Variants in YWHAZ observed in about 807,000 individuals in gnomAD.
YWHAZ encodes the protein 14-3-3 protein zeta/delta.
For synonymous variants in YWHAZ, 87 were observed against 103.6 expected (o/e 0.84, Z 0.97); for missense variants, 79 against 284.8 (o/e 0.28, Z 5.20).
intron 2 of YWHAZ, among the ~76,000 whole-genome samples, chr8:100,946,369 G>C (rs1810269025): frequency 6.6e-6 from 1 of 152,148 alleles, no homozygotes; most frequent in Non-Finnish European, 1.5e-5. Flanking sequence ...GGCCGACAAG[G>C]TGAAACCCCA....
Position 100,939,955 on chromosome 8 carries a change from G to A in YWHAZ, c.294+8641C>T, listed in dbSNP as rs140509682. ...GGAGAATGGTGTGAACCTGGAAGGC[G>A]GAGCTTGCAGTGAGCCGAGATCGCG... On this transcript the variant is annotated intron_variant, in intron 2 of 5. Transcript: ENST00000395958. Among the ~76,000 whole-genome samples, 535 of 151,804 alleles carry A rather than the reference G, an allele frequency of 3.5e-3. 7 individuals carry two copies. Among genetic ancestry groups the A allele is most frequent in the African/African-American group, 0.012 (513 of 41,438 alleles).
At chr8:100,950,652 A>G in intron 1 of YWHAZ, 1 of 862,434 alleles carries the variant, frequency 1.2e-6, no homozygotes, top group Non-Finnish European at 1.4e-6. Context: ...CCCCCGCCCA[A>G]GCCGTGGGGG....
chr8:100,935,289 C>T (rs777879647), intron 2 of YWHAZ, among the ~76,000 whole-genome samples: 2 of 152,166 alleles, frequency 1.3e-5, no homozygotes, highest in Non-Finnish European at 2.9e-5. Flanking sequence ...GAATAATATA[C>T]GCATAACTGT....
intron 2 of YWHAZ, among the ~76,000 whole-genome samples, chr8:100,927,266 T>G (rs1813428248): frequency 6.6e-6 from 1 of 152,214 alleles, no homozygotes; most frequent in Admixed American, 6.5e-5. Context: ...CTCACTCCTG[T>G]AATCCCAACA....
At position 100,948,636 on chromosome 8, in the gene YWHAZ, T is replaced by C. The variant is rs758881213; in HGVS notation, c.254A>G (p.Lys85Arg). 3 of 1,610,926 alleles carry C rather than the reference T, an allele frequency of 1.9e-6. No individual in the cohort carries two copies. In the South Asian group the frequency reaches 3.3e-5, roughly 18 times the overall value. The change falls in exon 2 of 6, where the codon AAA becomes AGA. Residue 85 changes from lysine (K) to arginine (R), a missense_variant. Lys to Arg is a conservative substitution (Grantham distance 26). Coordinates refer to ENST00000395958, the MANE Select transcript of YWHAZ (RefSeq NM_145690.3). The surrounding 1 kb of genome is among the most constrained non-coding windows in gnomAD (Gnocchi z 4.2). ...KQQMAREYRE[K>R]IETELRDICN... ...GATATCTCTTAGCTCCGTCTCAATT[T>C]TCTCTCTGTATTCTCGAGCCATCTG...
chr8:100,949,364 C>T (rs1810535321), intron 1 of YWHAZ, among the ~76,000 whole-genome samples: 1 of 152,044 alleles, frequency 6.6e-6, no homozygotes, highest in Non-Finnish European at 1.5e-5. Flanking sequence ...TTTAATGTAA[C>T]TCACGTCTTT....
intron 5 of YWHAZ, 56 bp from the exon 6 acceptor site, chr8:100,920,808 G>A (rs1340293350): frequency 8.6e-6 from 4 of 464,800 alleles, no homozygotes; most frequent in Admixed American, 2.7e-5. Flanking sequence ...GGGGGGGGGG[G>A]CGTTTTCATA....
At chr8:100,952,831 C>CCCG, upstream of YWHAZ, 7 of 1,000,558 alleles carry the variant, frequency 7.0e-6, no homozygotes, top group Non-Finnish European at 8.4e-6. Flanking sequence ...CGGCCTCCCT[C>CCCG]CCGCCGCCGC....
intron 2 of YWHAZ, chr8:100,932,231 TG>T (rs1813811549): frequency 6.6e-6 from 1 of 152,206 alleles, no homozygotes; most frequent in African/African-American, 2.4e-5. Flanking sequence ...TTTTGGAAGG[TG>T]AAAGTCTAGT....
chr8:100,952,193 CT>C, upstream of YWHAZ: 4 of 981,600 alleles, frequency 4.1e-6, no homozygotes, highest in Admixed American at 6.1e-5. Flanking sequence ...CTCCCCGGCG[CT>C]CGTCCTGCCC....
Position 100,948,818 on chromosome 8 carries a change from G to A in YWHAZ, c.72C>T (p.Ala24=). ...CTTGCTCAGTTACAGACTTCATGCA[G>A]GCTGCCATGTCATCATATCGCTCAG... ...EQAERYDDMA[A]CMKSVTEQGA... The change falls in exon 2 of 6, where the codon GCC becomes GCT. Residue 24 remains alanine, a synonymous_variant. Coordinates refer to ENST00000395958, the MANE Select transcript of YWHAZ (RefSeq NM_145690.3). The surrounding 1 kb of genome is among the most constrained non-coding windows in gnomAD (Gnocchi z 4.2). 1.9e-6 allele frequency: 3 copies of A among 1,599,350 alleles called. No individual in the cohort carries two copies. Among genetic ancestry groups the A allele is most frequent in the Non-Finnish European group, 2.5e-6 (3 of 1,179,920 alleles).
chr8:100,925,162 T>C, intron 2 of YWHAZ, 123 bp from the exon 3 acceptor site: 2 of 1,032,676 alleles, frequency 1.9e-6, no homozygotes, highest in South Asian at 1.8e-5. Context: ...TCACTGTCAA[T>C]ACAATTGTGA....
At chr8:100,951,529 G>A (rs1810781357) in intron 1 of YWHAZ, 10 of 985,602 alleles carry the variant, frequency 1.0e-5, no homozygotes, top group South Asian at 4.7e-5. Flanking sequence ...GGCGGCGAGG[G>A]AGGGGGTGGA....
chr8:100,929,925 C>A (rs1813646668), intron 2 of YWHAZ, among the ~76,000 whole-genome samples: 1 of 152,176 alleles, frequency 6.6e-6, no homozygotes, highest in Non-Finnish European at 1.5e-5. Flanking sequence ...CTGATAGCTA[C>A]TTTCAAAATA....
At chr8:100,950,338 G>A (rs1810617400) in intron 1 of YWHAZ, 2 of 978,424 alleles carry the variant, frequency 2.0e-6, no homozygotes, top group African/African-American at 1.7e-5. Context: ...TTCTCACACA[G>A]TAACGAGTGC....
chr8:100,943,248 G>A (rs1294590881), intron 2 of YWHAZ, among the ~76,000 whole-genome samples: 1 of 152,172 alleles, frequency 6.6e-6, no homozygotes, highest in Admixed American at 6.5e-5. Context: ...TCTCTATGTG[G>A]AACTGTCAAG....
At chr8:100,927,467 TG>T (rs571188884) in intron 2 of YWHAZ, among the ~76,000 whole-genome samples, 181 of 152,282 alleles carry the variant, frequency 1.2e-3, no homozygotes, top group Non-Finnish European at 1.6e-3. Flanking sequence ...GAGGCTGCAG[TG>T]ATCTGTAATT....
chr8:100,937,962 C>T (rs948539351), intron 2 of YWHAZ, among the ~76,000 whole-genome samples: 7 of 152,220 alleles, frequency 4.6e-5, no homozygotes, highest in Non-Finnish European at 1.0e-4. Flanking sequence ...GAAATCCCAT[C>T]TCTACTAAAA....
intron 2 of YWHAZ, among the ~76,000 whole-genome samples, chr8:100,928,022 G>A (rs537258750): frequency 1.7e-4 from 26 of 152,254 alleles, no homozygotes; most frequent in African/African-American, 5.5e-4. Context: ...GCTCACGCCT[G>A]TAATCCCAAC....
Sources: gnomAD v4.1 joint callset for allele counts (sites outside exome capture counted in the v4.1 genomes callset) on GRCh38, gnomAD v4.1.1 for gene constraint, Gnocchi (gnomAD v3.1) non-coding constraint, MANE v1.5 for transcripts, NCBI Gene and HGNC (gene_info 2026-07-23, HGNC 2026-07-21) for gene names.